PHF21A: variants seen among roughly 807,000 people sequenced by gnomAD.
PHF21A encodes BHC80a.
Under a neutral mutation model 82.5 loss-of-function variants are expected in PHF21A, and 11 were observed. That is an observed-to-expected ratio of 0.13 (90% CI 0.08 to 0.22). PHF21A has a LOEUF of 0.22. Among genes scored for constraint, PHF21A ranks in the 10% least tolerant of loss-of-function variants. The pLI is 1.00. For synonymous variants in PHF21A, 297 were observed against 302.8 expected (o/e 0.98, Z 0.20); for missense variants, 579 against 837.8 (o/e 0.69, Z 3.81).
rs534729627 is a variant in PHF21A at position 46,035,387 on chromosome 11, C to T, written c.153+41367G>A. Among the ~76,000 whole-genome samples the T allele has an allele frequency of 9.9e-5, 15 of 152,238 alleles. No individual in the cohort carries two copies. The East Asian group carries it at 2.7e-3, about 27-fold the overall frequency. The stretch of plus-strand genomic sequence containing the variant: ...TGTTTGTTCCTTGCCAGCATCATAC[C>T]GTTCACTGACTAAACCTTCTAGTAT... On this transcript the variant is annotated intron_variant, in intron 6 of 18. Coordinates refer to ENST00000676320, the MANE Select transcript of PHF21A (RefSeq NM_001352027.3).
chr11:46,042,330 G>A (rs2096164018), intron 6 of PHF21A, among the ~76,000 whole-genome samples: 1 of 152,102 alleles, frequency 6.6e-6, no homozygotes, highest in Non-Finnish European at 1.5e-5. Flanking sequence ...CTGGGAGCTA[G>A]AATTTGACGG....
chr11:45,967,951 T>A (rs2093545922), intron 9 of PHF21A, among the ~76,000 whole-genome samples: 1 of 152,218 alleles, frequency 6.6e-6, no homozygotes, highest in South Asian at 2.1e-4. Context: ...ATTTAAACAC[T>A]CTGGTTACAA....
chr11:46,040,394 ATTCT>A (rs1203069427), intron 6 of PHF21A, among the ~76,000 whole-genome samples: 1 of 152,194 alleles, frequency 6.6e-6, no homozygotes, highest in Non-Finnish European at 1.5e-5. Context: ...TTTTTTTAGC[ATTCT>A]TTAATTCCAA....
At chr11:45,953,466 G>C in intron 11 of PHF21A, 61 bp downstream of exon 11, 1 of 990,714 alleles carries the variant, frequency 1.0e-6, no homozygotes, top group Non-Finnish European at 1.6e-6. Flanking sequence ...TGCCCCTCCT[G>C]GTACATGAGA....
intron 6 of PHF21A, among the ~76,000 whole-genome samples, chr11:46,044,132 CACTACTGTTTAAATGAGATA>C (rs1160602558): frequency 2.6e-5 from 4 of 152,080 alleles, no homozygotes; most frequent in Admixed American, 1.3e-4. Context: ...TCAACCTAAG[CACTACTGTTTAAATGAGATA>C]AATAATAGCA....
intron 6 of PHF21A, among the ~76,000 whole-genome samples, chr11:45,989,447 G>C (rs2094601506): frequency 7.4e-6 from 1 of 135,964 alleles, no homozygotes; most frequent in Non-Finnish European, 1.5e-5. Flanking sequence ...AAGGTCAGGA[G>C]ATCAAGACCA....
At chr11:45,963,606 A>G (rs938010259) in intron 10 of PHF21A, among the ~76,000 whole-genome samples, 1 of 152,210 alleles carries the variant, frequency 6.6e-6, no homozygotes, top group South Asian at 2.1e-4. Flanking sequence ...ATGAACTTGT[A>G]CTATCTTTGT....
At chr11:45,997,797 T>C (rs2094960755) in intron 6 of PHF21A, among the ~76,000 whole-genome samples, 1 of 152,202 alleles carries the variant, frequency 6.6e-6, no homozygotes, top group African/African-American at 2.4e-5. Flanking sequence ...TGGGCAGACC[T>C]GCCTCATGCT....
At chr11:45,998,208 C>G (rs1292321785) in intron 6 of PHF21A, among the ~76,000 whole-genome samples, 1 of 152,146 alleles carries the variant, frequency 6.6e-6, no homozygotes, top group Non-Finnish European at 1.5e-5. Flanking sequence ...GTTATTAGCA[C>G]ACAAATTTAA....
At chr11:46,042,633 C>T (rs930609731) in intron 6 of PHF21A, among the ~76,000 whole-genome samples, 2 of 152,002 alleles carry the variant, frequency 1.3e-5, no homozygotes, top group African/African-American at 2.4e-5. Context: ...ACTCAAAATA[C>T]GTATGTTGAA....
chr11:46,042,790 T>C (rs2096177298), intron 6 of PHF21A, among the ~76,000 whole-genome samples: 1 of 151,976 alleles, frequency 6.6e-6, no homozygotes, highest in South Asian at 2.1e-4. Flanking sequence ...AGATAGCACC[T>C]TCTTGCTATG....
chr11:45,979,661 G>C (rs2094195130), intron 7 of PHF21A, 99 bp downstream of exon 7: 6 of 1,548,240 alleles, frequency 3.9e-6, no homozygotes, highest in Non-Finnish European at 4.4e-6. Flanking sequence ...TTTAGTTCTA[G>C]CTGAGCTTAG....
chr11:46,021,482 G>A (rs2095630463), intron 6 of PHF21A, among the ~76,000 whole-genome samples: 1 of 152,096 alleles, frequency 6.6e-6, no homozygotes, highest in South Asian at 2.1e-4. Flanking sequence ...CATCACCAAG[G>A]GTGCCACAGA....
At chr11:46,086,256 C>T (rs1396103274) in intron 3 of PHF21A, among the ~76,000 whole-genome samples, 2 of 151,752 alleles carry the variant, frequency 1.3e-5, no homozygotes, top group African/African-American at 4.8e-5. Flanking sequence ...GTAGCTGGGA[C>T]TACAGGTGCC....
Position 45,930,670 on chromosome 11 carries a change from T to G in PHF21A, c.*3298A>C, listed in dbSNP as rs2087577202. On this transcript the variant is annotated 3_prime_UTR_variant, in exon 19 of 19. Coordinates refer to ENST00000676320, the MANE Select transcript of PHF21A (RefSeq NM_001352027.3). ...CTGGCAGGGGACTCCCAGTCATCACTGCCACCAGGGCGCAGCGCCTGATCA... is the reference window on the plus strand; with the variant it reads ...CTGGCAGGGGACTCCCAGTCATCACGGCCACCAGGGCGCAGCGCCTGATCA... 6.6e-6 allele frequency: 1 copy of G among 152,380 alleles called. No individual in the cohort carries two copies. The highest frequency in any genetic ancestry group is 2.1e-4 in the South Asian group (1 of 4,832). 9.4% of individuals were successfully genotyped at this position (152,380 alleles called of 1,614,324 possible).
At chr11:46,055,785 T>C (rs188858145) in intron 6 of PHF21A, among the ~76,000 whole-genome samples, 180 of 152,250 alleles carry the variant, frequency 1.2e-3, no homozygotes, top group African/African-American at 3.5e-3. Context: ...AGGGGATTCA[T>C]TGAAAATATA....
intron 10 of PHF21A, among the ~76,000 whole-genome samples, chr11:45,958,532 G>A (rs1300235681): frequency 3.4e-5 from 5 of 146,494 alleles, no homozygotes; most frequent in Non-Finnish European, 7.5e-5. Context: ...AAGCTGAGGC[G>A]GGAGGATCAC....
At chr11:45,979,355 C>G (rs2094181884) in intron 7 of PHF21A, among the ~76,000 whole-genome samples, 2 of 152,102 alleles carry the variant, frequency 1.3e-5, no homozygotes, top group Non-Finnish European at 2.9e-5. Context: ...TATCTGGTCC[C>G]AAGAGCACTG....
At chr11:45,973,711 CCA>C (rs2093887658) in intron 7 of PHF21A, among the ~76,000 whole-genome samples, 3 of 152,306 alleles carry the variant, frequency 2.0e-5, no homozygotes, top group Admixed American at 6.5e-5. Context: ...AGTGTTTTTA[CCA>C]CAGTGTATTA....
Sources: gnomAD v4.1 joint callset for allele counts (sites outside exome capture counted in the v4.1 genomes callset) on GRCh38, gnomAD v4.1.1 for gene constraint, MANE v1.5 for transcripts, NCBI Gene and HGNC (gene_info 2026-07-23, HGNC 2026-07-21) for gene names.